Variants in EYS observed in about 807,000 individuals in gnomAD.
The protein encoded by EYS is protein eyes shut homolog.
EYS carries 250 observed loss-of-function variants against 282.1 expected under a neutral mutation model. That is an observed-to-expected ratio of 0.89 (90% CI 0.80 to 0.98). The LOEUF is 0.98. Ranked by LOEUF, EYS falls within the 50% of genes least tolerant of loss-of-function variation. EYS has a pLI of 0.00. For missense variants in EYS, 4,016 were observed against 3,709.0 expected, an observed-to-expected ratio of 1.08 and a Z score of -2.15; for synonymous variants, 1,355 against 1,282.9, an observed-to-expected ratio of 1.06 and a Z score of -1.20.
At chr6:63,923,740 G>T (rs534278058) in intron 35 of EYS, among the ~76,000 whole-genome samples, 1 of 151,948 alleles carries the variant, frequency 6.6e-6, no homozygotes, top group South Asian at 2.1e-4. Context: ...TCTCTCCCCC[G>T]TCTATGGTCC....
intron 8 of EYS, among the ~76,000 whole-genome samples, chr6:65,361,294 C>T (rs1441309937): frequency 6.6e-6 from 1 of 151,900 alleles, no homozygotes; most frequent in East Asian, 1.9e-4. Context: ...AGCACACCAA[C>T]ATGGCACATG....
intron 41 of EYS, among the ~76,000 whole-genome samples, chr6:63,751,820 C>T (rs922710956): frequency 5.9e-5 from 9 of 152,202 alleles, no homozygotes; most frequent in Admixed American, 2.0e-4. Flanking sequence ...TTCCTCAGGA[C>T]TCAGATGGAT....
chr6:65,162,228 C>T (rs751044983), intron 12 of EYS, among the ~76,000 whole-genome samples: 1 of 151,176 alleles, frequency 6.6e-6, no homozygotes, highest in Non-Finnish European at 1.5e-5. Context: ...CAGTTCTGTC[C>T]ATTTCTCAGG....
At chr6:64,865,102 G>A (rs1244047014) in intron 19 of EYS, among the ~76,000 whole-genome samples, 1 of 152,078 alleles carries the variant, frequency 6.6e-6, no homozygotes, top group Non-Finnish European at 1.5e-5. Flanking sequence ...TCTGTCTTAG[G>A]ATATTGGTTG....
chr6:65,473,534 A>G (rs1046727940), intron 5 of EYS, among the ~76,000 whole-genome samples: 1 of 151,978 alleles, frequency 6.6e-6, no homozygotes, highest in Non-Finnish European at 1.5e-5. Flanking sequence ...TTGATTAATT[A>G]CTAAAGAACA....
intron 22 of EYS, among the ~76,000 whole-genome samples, chr6:64,790,730 C>T (rs968534056): frequency 1.3e-5 from 2 of 151,736 alleles, no homozygotes. Flanking sequence ...TTTCTTACTT[C>T]TATGTAAGGT....
In EYS at chr6:64,276,876, G is replaced by C. The variant is rs77737813; in HGVS notation, c.6191+30094C>G. On this transcript the variant is annotated intron_variant, in intron 30 of 42. Transcript: ENST00000503581. ...CACAAGAGTGGATTAACATCAGCTA[G>C]TCTCAAAATAGAATTAATTTGGAAT... Among the ~76,000 whole-genome samples the C allele has an allele frequency of 5.9e-5, 9 of 152,128 alleles. No individual in the cohort carries two copies. In the East Asian group the frequency reaches 1.7e-3, roughly 29 times the overall value.
chr6:65,292,756 A>G (rs890838547), intron 12 of EYS, among the ~76,000 whole-genome samples: 5 of 151,770 alleles, frequency 3.3e-5, no homozygotes, highest in African/African-American at 1.2e-4. Context: ...TTCTACAGAA[A>G]TAAAAATTAG....
In EYS at chr6:64,256,797, A is replaced by C. The variant is rs147832504; in HGVS notation, c.6192-25973T>G. ...ATGACCTACCATTTATGAGCTTAAC[A>C]ATAAATGTTTCTTTTGATGTATATG... On this transcript the variant is annotated intron_variant, in intron 30 of 42. Coordinates refer to ENST00000503581, the MANE Select transcript of EYS (RefSeq NM_001142800.2). Among the ~76,000 whole-genome samples, 1,311 of 152,176 alleles carry C rather than the reference A, an allele frequency of 8.6e-3. 27 individuals carry two copies. Among genetic ancestry groups the C allele is most frequent in the African/African-American group, 0.029 (1,201 of 41,552 alleles).
chr6:64,624,208 C>T (rs1407457999), intron 23 of EYS, among the ~76,000 whole-genome samples: 1 of 152,104 alleles, frequency 6.6e-6, no homozygotes, highest in African/African-American at 2.4e-5. Context: ...AATTCAACAG[C>T]TTAAAAATGT....
At chr6:64,978,509 A>G (rs916195068) in intron 14 of EYS, among the ~76,000 whole-genome samples, 6 of 151,960 alleles carry the variant, frequency 3.9e-5, no homozygotes, top group African/African-American at 1.4e-4. Context: ...CATGCCTGCT[A>G]ATACAACATC....
chr6:64,852,986 A>G (rs1229795956), intron 19 of EYS, among the ~76,000 whole-genome samples: 1 of 152,176 alleles, frequency 6.6e-6, no homozygotes, highest in Non-Finnish European at 1.5e-5. Flanking sequence ...AAAATATAGG[A>G]AAAGATAAGG....
intron 22 of EYS, chr6:64,733,349 CAGGAGCAGGGCAGT>C (rs1772039668): frequency 5.7e-6 from 1 of 175,732 alleles, no homozygotes. Context: ...TGATGACTGA[CAGGAGCAGGGCAGT>C]CATACTCACA....
intron 31 of EYS, among the ~76,000 whole-genome samples, chr6:64,179,133 A>C (rs917314144): frequency 2.0e-5 from 3 of 152,086 alleles, no homozygotes; most frequent in African/African-American, 7.2e-5. Context: ...TTATTTAAAA[A>C]CTAAAGAATG....
chr6:64,873,193 C>T (rs892718371), intron 19 of EYS, among the ~76,000 whole-genome samples: 1 of 152,002 alleles, frequency 6.6e-6, no homozygotes, highest in Non-Finnish European at 1.5e-5. Context: ...AGGCACATCT[C>T]ACATGGATGG....
chr6:64,540,676 G>T (rs1214760576), intron 26 of EYS, among the ~76,000 whole-genome samples: 1 of 151,880 alleles, frequency 6.6e-6, no homozygotes, highest in Non-Finnish European at 1.5e-5. Context: ...CAGATACGGG[G>T]TTTTGCCATG....
At chr6:63,827,202 C>A (rs1040271575) in intron 36 of EYS, among the ~76,000 whole-genome samples, 3 of 152,170 alleles carry the variant, frequency 2.0e-5, no homozygotes, top group African/African-American at 7.2e-5. Context: ...TGATAAAAGG[C>A]CTTGTCCAAC....
chr6:64,954,847 T>C (rs929599249), intron 14 of EYS, among the ~76,000 whole-genome samples: 19 of 152,064 alleles, frequency 1.2e-4, no homozygotes, highest in Non-Finnish European at 4.4e-5. Flanking sequence ...TATTTCTATA[T>C]GCCAAAAGTG....
Position 65,272,716 on chromosome 6 carries a change from A to C in EYS, c.2023+23147T>G, listed in dbSNP as rs114695082. Among the ~76,000 whole-genome samples, 1,373 of 152,314 alleles carry C rather than the reference A, an allele frequency of 9.0e-3. 30 individuals are homozygous for C. Among genetic ancestry groups the C allele is most frequent in the African/African-American group, 0.031 (1,288 of 41,580 alleles). On this transcript the variant is annotated intron_variant, in intron 12 of 42. Transcript: ENST00000503581. ...TATAAATGTCATTCTTAACACAGTA[A>C]TGAATACATTAATGTTATATTGAAC... is the stretch of plus-strand genomic sequence containing the variant.
Sources: allele counts gnomAD v4.1 joint callset (sites outside exome capture counted in the v4.1 genomes callset), GRCh38; gene constraint gnomAD v4.1.1; transcripts MANE v1.5; gene names NCBI Gene and HGNC (gene_info 2026-07-23, HGNC 2026-07-21).